Variants in SPOCK1 observed in about 807,000 individuals in gnomAD.
SPOCK1 encodes the protein SPARC (osteonectin), cwcv and kazal like domains proteoglycan 1.
In SPOCK1, 23 loss-of-function variants were observed where a neutral mutation model predicts 55.3. That is an observed-to-expected ratio of 0.42 (90% confidence interval 0.30 to 0.59). SPOCK1 has a LOEUF of 0.59. Among genes scored for constraint, SPOCK1 ranks in the 20% least tolerant of loss-of-function variants. SPOCK1 has a pLI of 0.22. For missense variants in SPOCK1, 499 were observed against 552.5 expected, an observed-to-expected ratio of 0.90 and a Z score of 0.97; for synonymous variants, 226 against 221.0, an observed-to-expected ratio of 1.02 and a Z score of -0.20.
At chr5:137,214,699 G>GAAGAGATAAGGGGGAATGAGC (rs1755681507) in intron 3 of SPOCK1, among the ~76,000 whole-genome samples, 1 of 152,200 alleles carries the variant, frequency 6.6e-6, no homozygotes, top group African/African-American at 2.4e-5. Flanking sequence ...ATACAAATGA[G>GAAGAGATAAGGGGGAATGAGC]AAGAGATAAG....
chr5:137,090,146 C>T (rs558125145), intron 5 of SPOCK1, among the ~76,000 whole-genome samples: 4 of 152,284 alleles, frequency 2.6e-5, no homozygotes, highest in South Asian at 2.1e-4. Context: ...AAAGCAAATC[C>T]CACGCAAGGC....
At chr5:137,484,601 CA>C (rs1222059857) in intron 2 of SPOCK1, among the ~76,000 whole-genome samples, 11 of 152,176 alleles carry the variant, frequency 7.2e-5, no homozygotes, top group African/African-American at 2.4e-4. Flanking sequence ...TCTACAGTTC[CA>C]AGGGTAGAAT....
intron 9 of SPOCK1, among the ~76,000 whole-genome samples, chr5:136,981,888 A>G (rs892096167): frequency 1.3e-5 from 2 of 152,254 alleles, no homozygotes; most frequent in Non-Finnish European, 2.9e-5. Flanking sequence ...AGTTATGAGT[A>G]TAGTCATGTG....
intron 1 of SPOCK1, 138 bp from the exon 2 acceptor site, chr5:137,498,696 C>T (rs929397450): frequency 1.2e-5 from 7 of 569,502 alleles, no homozygotes; most frequent in Non-Finnish European, 1.7e-5. Context: ...ACCTGGGGCG[C>T]CTGTCGCGCC....
At chr5:137,214,581 A>G (rs942861869) in intron 3 of SPOCK1, among the ~76,000 whole-genome samples, 3 of 152,246 alleles carry the variant, frequency 2.0e-5, no homozygotes, top group Non-Finnish European at 4.4e-5. Context: ...ATAAGCATGT[A>G]TCAGTAGCTG....
intron 3 of SPOCK1, among the ~76,000 whole-genome samples, chr5:137,239,800 T>G (rs1343134149): frequency 6.6e-6 from 1 of 152,166 alleles, no homozygotes; most frequent in African/African-American, 2.4e-5. Context: ...ATTGTTAACT[T>G]ACATTGAATA....
intron 6 of SPOCK1, among the ~76,000 whole-genome samples, chr5:137,008,622 A>G (rs1751295852): frequency 1.3e-5 from 2 of 152,188 alleles, no homozygotes; most frequent in South Asian, 4.1e-4. Context: ...GGAGTGACAG[A>G]TAAGAAGGCA....
At chr5:137,403,966 C>G (rs962196363) in intron 2 of SPOCK1, among the ~76,000 whole-genome samples, 1 of 152,134 alleles carries the variant, frequency 6.6e-6, no homozygotes, top group Admixed American at 6.5e-5. Context: ...TGAGCATTGA[C>G]TCAGGCTGGG....
chr5:137,087,138 G>A (rs901818731), intron 5 of SPOCK1, among the ~76,000 whole-genome samples: 131 of 152,296 alleles, frequency 8.6e-4, no homozygotes, highest in African/African-American at 3.1e-3. Flanking sequence ...GCTTCCTACC[G>A]GGAATGGTGA....
intron 5 of SPOCK1, among the ~76,000 whole-genome samples, chr5:137,094,345 G>C (rs1028361856): frequency 6.6e-6 from 1 of 152,128 alleles, no homozygotes; most frequent in African/African-American, 2.4e-5. Context: ...TATTAAACCA[G>C]GAGAGTTTAG....
At chr5:137,124,243 C>T (rs13166801) in intron 4 of SPOCK1, among the ~76,000 whole-genome samples, 33,925 of 152,152 alleles carry the variant, frequency 0.22, 4,297 homozygotes, top group Non-Finnish European at 0.28. Context: ...ATCCTGGGCT[C>T]CCACATGGCA....
At chr5:137,322,239 AAG>A (rs1757992466) in intron 2 of SPOCK1, among the ~76,000 whole-genome samples, 2 of 152,056 alleles carry the variant, frequency 1.3e-5, no homozygotes, top group South Asian at 4.1e-4. Context: ...AGACTGAGGT[AAG>A]AGAATAACCT....
intron 5 of SPOCK1, among the ~76,000 whole-genome samples, chr5:137,105,497 A>G (rs1036939881): frequency 2.8e-4 from 42 of 152,220 alleles, no homozygotes; most frequent in African/African-American, 8.9e-4. Flanking sequence ...GCTTAAAGCC[A>G]TCTTGAGAAG....
chr5:137,034,823 G>T (rs1190286868), intron 6 of SPOCK1, among the ~76,000 whole-genome samples: 2 of 152,208 alleles, frequency 1.3e-5, no homozygotes, highest in Admixed American at 1.3e-4. Context: ...CTGGGGCCAG[G>T]CTGGTGTGGA....
At chr5:136,986,928 G>A (rs1321785624) in intron 8 of SPOCK1, among the ~76,000 whole-genome samples, 2 of 152,032 alleles carry the variant, frequency 1.3e-5, no homozygotes, top group East Asian at 3.8e-4. Flanking sequence ...AGTTCACACA[G>A]GGAAAGAAAC....
At chr5:137,035,376 G>A (rs1043994778) in intron 6 of SPOCK1, among the ~76,000 whole-genome samples, 2 of 152,204 alleles carry the variant, frequency 1.3e-5, no homozygotes, top group African/African-American at 2.4e-5. Context: ...TTTCTGGGCA[G>A]AGACTCCGAT....
chr5:137,459,629 G>T (rs1753439186), intron 2 of SPOCK1, among the ~76,000 whole-genome samples: 1 of 152,016 alleles, frequency 6.6e-6, no homozygotes, highest in South Asian at 2.1e-4. Flanking sequence ...CCTGAAGGAG[G>T]TGCATGTGGT....
chr5:137,141,677 G>A (rs1754102171), intron 3 of SPOCK1, among the ~76,000 whole-genome samples: 1 of 152,206 alleles, frequency 6.6e-6, no homozygotes, highest in African/African-American at 2.4e-5. Flanking sequence ...ATGTGAATTG[G>A]ATCTTGAAGG....
chr5:137,249,911 G>A (rs531240443), intron 3 of SPOCK1, among the ~76,000 whole-genome samples: 18 of 151,970 alleles, frequency 1.2e-4, no homozygotes, highest in Admixed American at 2.6e-4. Flanking sequence ...TATTATGTGC[G>A]GCATAGTATA....
Sources: allele counts gnomAD v4.1 joint callset (sites outside exome capture counted in the v4.1 genomes callset), GRCh38; gene constraint gnomAD v4.1.1; transcripts MANE v1.5; gene names NCBI Gene and HGNC (gene_info 2026-07-23, HGNC 2026-07-21).